Variants in CAST observed in about 807,000 individuals in gnomAD.
CAST encodes calpastatin, also known as MIR583 host.
A neutral mutation model predicts 119.6 loss-of-function variants in CAST; 76 were observed. The observed-to-expected ratio is 0.64, with a 90% CI of 0.53 to 0.77. The LOEUF is 0.77. CAST is among the 30% of genes least tolerant of loss of function. The pLI is 0.00. For missense variants in CAST, 953 were observed against 946.5 expected (o/e 1.01, Z -0.09); for synonymous variants, 319 against 331.6 (o/e 0.96, Z 0.41).
the CAST span, among the ~76,000 whole-genome samples, chr5:96,385,130 G>T: frequency 6.6e-6 from 1 of 152,164 alleles, no homozygotes; most frequent in South Asian, 2.1e-4. Context: ...TAGCATCCCT[G>T]GGGATGAGCC....
At chr5:96,755,919 C>G (rs914690779) in intron 22 of CAST, among the ~76,000 whole-genome samples, 1 of 152,128 alleles carries the variant, frequency 6.6e-6, no homozygotes, top group South Asian at 2.1e-4. Flanking sequence ...AGAGGCTGGT[C>G]AAGTGCAGGT....
chr5:96,667,716 G>A (rs1477548325), intron 1 of CAST, among the ~76,000 whole-genome samples: 3 of 139,624 alleles, frequency 2.1e-5, no homozygotes, highest in African/African-American at 8.2e-5. Context: ...CACAGAATAA[G>A]AGAAGAGTAT....
chr5:96,549,251 C>G (rs140033036), intron 1 of CAST, among the ~76,000 whole-genome samples: 1 of 152,066 alleles, frequency 6.6e-6, no homozygotes, highest in Non-Finnish European at 1.5e-5. Flanking sequence ...GAAATAGACT[C>G]AAAGGTATGT....
chr5:96,295,772 C>T, the CAST span, among the ~76,000 whole-genome samples: 5 of 152,134 alleles, frequency 3.3e-5, no homozygotes, highest in South Asian at 2.1e-4. Flanking sequence ...AGAAGTGTCA[C>T]GTAAAGCAGA....
the CAST span, among the ~76,000 whole-genome samples, chr5:96,306,118 T>TA: frequency 6.6e-6 from 1 of 152,228 alleles, no homozygotes; most frequent in Non-Finnish European, 1.5e-5. Flanking sequence ...GCTGTCTCAA[T>TA]TTCAGAACTT....
At chr5:96,244,357 T>C in the CAST span, among the ~76,000 whole-genome samples, 1 of 152,364 alleles carries the variant, frequency 6.6e-6, no homozygotes, top group Non-Finnish European at 1.5e-5. Context: ...GAATTATGAT[T>C]TCTTATTCCT....
At chr5:96,504,511 T>C in the CAST span, among the ~76,000 whole-genome samples, 1 of 149,370 alleles carries the variant, frequency 6.7e-6, no homozygotes, top group African/African-American at 2.5e-5. Flanking sequence ...GGAAATCGTT[T>C]GTGCTTAGAA....
At chr5:96,205,536 A>C in the CAST span, among the ~76,000 whole-genome samples, 2 of 152,020 alleles carry the variant, frequency 1.3e-5, no homozygotes, top group African/African-American at 4.8e-5. Context: ...CTCAATGTTT[A>C]GCTCCCACTT....
chr5:96,227,226 G>A, the CAST span, among the ~76,000 whole-genome samples: 1 of 152,178 alleles, frequency 6.6e-6, no homozygotes, highest in Non-Finnish European at 1.5e-5. Context: ...GGGGTTATGA[G>A]ATACCACAAA....
chr5:96,236,430 T>G, the CAST span, among the ~76,000 whole-genome samples: 2 of 152,174 alleles, frequency 1.3e-5, no homozygotes, highest in African/African-American at 4.8e-5. Flanking sequence ...CAAGGCTCAC[T>G]ACTTAAATTT....
chr5:96,173,157 A>G, the CAST span, among the ~76,000 whole-genome samples: 1 of 152,204 alleles, frequency 6.6e-6, no homozygotes, highest in Non-Finnish European at 1.5e-5. Context: ...ACAAAGGCTG[A>G]GACTCCCCAA....
chr5:96,099,412 G>T, the CAST span, among the ~76,000 whole-genome samples: 2 of 152,120 alleles, frequency 1.3e-5, no homozygotes, highest in African/African-American at 4.8e-5. Flanking sequence ...TGATTTTCAA[G>T]GGGAATGCTT....
At chr5:96,621,794 T>G (rs1219683588) in intron 1 of CAST, among the ~76,000 whole-genome samples, 1 of 152,098 alleles carries the variant, frequency 6.6e-6, no homozygotes, top group Non-Finnish European at 1.5e-5. Flanking sequence ...AGTCTTTCTC[T>G]CCTTCTATCT....
chr5:96,554,620 C>T (rs912875643), intron 1 of CAST, among the ~76,000 whole-genome samples: 1 of 152,158 alleles, frequency 6.6e-6, no homozygotes, highest in African/African-American at 2.4e-5. Flanking sequence ...GAACAGGCAA[C>T]CTACAGAATG....
chr5:96,357,929 G>A, the CAST span, among the ~76,000 whole-genome samples: 1 of 152,102 alleles, frequency 6.6e-6, no homozygotes, highest in Non-Finnish European at 1.5e-5. Context: ...TTGTACCTCT[G>A]GTAGAATTCG....
the CAST span, among the ~76,000 whole-genome samples, chr5:96,203,606 T>C: frequency 6.6e-6 from 1 of 152,182 alleles, no homozygotes; most frequent in Middle Eastern, 3.4e-3. Context: ...CTGTTCTCTT[T>C]ATTTCATTGT....
chr5:96,557,488 G>A (rs1561415707), intron 1 of CAST, among the ~76,000 whole-genome samples: 1 of 152,028 alleles, frequency 6.6e-6, no homozygotes, highest in East Asian at 1.9e-4. Flanking sequence ...ACACACACAG[G>A]CTCAAAATAA....
the CAST span, among the ~76,000 whole-genome samples, chr5:96,249,026 A>C: frequency 6.6e-6 from 1 of 152,196 alleles, no homozygotes; most frequent in African/African-American, 2.4e-5. Context: ...TGGCCTTATA[A>C]TCCCTCACTA....
chr5:96,268,072 C>A, the CAST span, among the ~76,000 whole-genome samples: 3 of 152,000 alleles, frequency 2.0e-5, no homozygotes, highest in South Asian at 6.2e-4. Flanking sequence ...AGTGTAAAAA[C>A]CTCTAATAAA....
Sources: gnomAD v4.1 joint callset for allele counts (sites outside exome capture counted in the v4.1 genomes callset) on GRCh38, gnomAD v4.1.1 for gene constraint, MANE v1.5 for transcripts, NCBI Gene and HGNC (gene_info 2026-07-23, HGNC 2026-07-21) for gene names.